The following DNAAF5 variants were observed in gnomAD, a reference collection of about 807,000 sequenced individuals.
The protein encoded by DNAAF5 is HEAT repeat containing 2.
DNAAF5 carries 64 observed loss-of-function variants against 75.8 expected under a neutral mutation model. The ratio of observed to expected loss-of-function variants is 0.84; its 90% CI spans 0.69 to 1.04. The LOEUF (loss-of-function observed/expected upper bound fraction) is 1.04, where lower values mean the gene tolerates loss of function less well. DNAAF5 is among the 50% of genes least tolerant of loss of function. The pLI, the probability that DNAAF5 is intolerant of heterozygous loss-of-function variation, is 0.00. For synonymous variants in DNAAF5, 657 were observed against 557.2 expected, an observed-to-expected ratio of 1.18 and a Z score of -2.52; for missense variants, 1,269 against 1,178.5, an observed-to-expected ratio of 1.08 and a Z score of -1.12.
At chr7:773,346 G>A (rs1207562978) in intron 9 of DNAAF5, among the ~76,000 whole-genome samples, 2 of 152,212 alleles carry the variant, frequency 1.3e-5, no homozygotes, top group Non-Finnish European at 2.9e-5. Flanking sequence ...GGAGGGCTGC[G>A]GGCTGTGGAG....
chr7:778,229 G>T (rs1384652039), intron 11 of DNAAF5: 1 of 152,224 alleles, frequency 6.6e-6, no homozygotes. Flanking sequence ...GGAGCTGGCG[G>T]AAAGGCTGCA....
chr7:753,585 A>G, intron 4 of DNAAF5, among the ~76,000 whole-genome samples: 1 of 111,116 alleles, frequency 9.0e-6, no homozygotes, highest in African/African-American at 3.5e-5. Flanking sequence ...TCATATGGGG[A>G]CGGCTTCACA....
chr7:774,623 C>T (rs564143058), intron 10 of DNAAF5, among the ~76,000 whole-genome samples: 2 of 152,120 alleles, frequency 1.3e-5, no homozygotes, highest in African/African-American at 2.4e-5. Context: ...GATGCCCGCC[C>T]GCGTCCTGGT....
intron 10 of DNAAF5, 140 bp downstream of exon 10, chr7:774,338 C>A: frequency 1.1e-6 from 1 of 914,526 alleles, no homozygotes; most frequent in Non-Finnish European, 1.6e-6. Flanking sequence ...AAGAGGCTCT[C>A]CCCACACTGG....
chr7:726,935 CCT>C lies in DNAAF5; in HGVS notation c.216_217del (p.Trp73GlyfsTer66). ...GCCGACCCCACCGCTTTCCAGGGCCCCTGGGCGCGCCTACTGCTGCCGCGCTT... is the reference window on the plus strand; with the variant it reads ...GCCGACCCCACCGCTTTCCAGGGCCCGGGCGCGCCTACTGCTGCCGCGCTT... On this transcript the variant is annotated frameshift_variant, in exon 1 of 13. Transcript: ENST00000297440. LOFTEE classifies it high-confidence loss of function. The C allele has an allele frequency of 7.5e-7, 1 of 1,340,970 alleles. No homozygotes were observed. The highest frequency in any genetic ancestry group is 9.6e-7 in the Non-Finnish European group (1 of 1,042,922). 83.1% of individuals were successfully genotyped at this position (1,340,970 alleles called of 1,614,324 possible).
chr7:740,951 G>A lies in DNAAF5; in HGVS notation c.905+8G>A. 1 of 1,612,128 alleles carries A rather than the reference G, an allele frequency of 6.2e-7. No individual in the cohort carries two copies. The highest frequency in any genetic ancestry group is 1.1e-5 in the South Asian group (1 of 91,076). ...CGAGGTGCCTGAGGTCAGGTACGTG[G>A]GCAGGCGGCCGCGGGCCTTGTCTTC... On this transcript the variant is annotated splice_region_variant and intron_variant, in intron 3 of 12. Transcript: ENST00000297440.
chr7:755,203 G>A (rs751054675), intron 5 of DNAAF5, among the ~76,000 whole-genome samples: 5 of 152,160 alleles, frequency 3.3e-5, no homozygotes, highest in Non-Finnish European at 5.9e-5. Context: ...TCCAGGCCTC[G>A]CAGGGGCTGT....
In DNAAF5 at chr7:754,226, G is replaced by A. The variant is rs748107870; in HGVS notation, c.1025-363G>A. 6.6e-6 allele frequency among the ~76,000 whole-genome samples: 1 copy of A among 152,192 alleles called. No individual in the cohort carries two copies. Among genetic ancestry groups the A allele is most frequent in the Non-Finnish European group, 1.5e-5 (1 of 68,038 alleles). ...GTCACCCAGGCTGGAGTGCTGTGGC[G>A]CAATCCTCCCACCTCAGACTCCTGC... On this transcript the variant is annotated intron_variant, in intron 4 of 12. Coordinates refer to ENST00000297440, the MANE Select transcript of DNAAF5 (RefSeq NM_017802.4). This position sits in a 1 kb window ranked among gnomAD's most constrained non-coding sequence, Gnocchi z 4.8.
chr7:731,366 A>C (rs1045698289), intron 2 of DNAAF5, among the ~76,000 whole-genome samples: 1 of 152,236 alleles, frequency 6.6e-6, no homozygotes, highest in African/African-American at 2.4e-5. Flanking sequence ...AACTCTGTGG[A>C]GCACGCTCTG....
intron 2 of DNAAF5, among the ~76,000 whole-genome samples, chr7:739,264 G>A (rs1781831406): frequency 6.6e-6 from 1 of 152,214 alleles, no homozygotes; most frequent in African/African-American, 2.4e-5. Flanking sequence ...CAGCATCTCA[G>A]CACATGGCAC....
rs112210659 is a variant in DNAAF5 at position 780,098 on chromosome 7, G to C, written c.2385G>C (p.Leu795=). The C allele has an allele frequency of 1.9e-6, 3 of 1,614,056 alleles. No homozygotes were observed. Among genetic ancestry groups the C allele is most frequent in the African/African-American group, 1.3e-5 (1 of 74,932 alleles). The change falls in exon 12 of 13, where the codon CTG becomes CTC. Residue 795 remains leucine (L), a synonymous_variant. Transcript: ENST00000297440. ...TCCAGTACCTGTACCGAGAGTTGCT[G>C]GTTCACCTTGACGATCCAGAGAGGG... ...SSVQYLYREL[L]VHLDDPERAI...
At chr7:781,970 C>T (rs1298017167) in intron 12 of DNAAF5, among the ~76,000 whole-genome samples, 1 of 152,276 alleles carries the variant, frequency 6.6e-6, no homozygotes, top group Non-Finnish European at 1.5e-5. Flanking sequence ...TCTGCTCATT[C>T]TTCCCTTTGC....
chr7:727,512 C>T, intron 1 of DNAAF5, 197 bp downstream of exon 1: 1 of 307,092 alleles, frequency 3.3e-6, no homozygotes, highest in Non-Finnish European at 5.8e-6. Context: ...CCTCCTCCCA[C>T]CACCACTGCT....
intron 6 of DNAAF5, 42 bp downstream of exon 6, chr7:757,036 T>TCCCCTGC: frequency 6.5e-7 from 1 of 1,550,350 alleles, no homozygotes; most frequent in Non-Finnish European, 8.7e-7. Context: ...AGGAGGAGCC[T>TCCCCTGC]CCCCTGCCCG....
intron 4 of DNAAF5, among the ~76,000 whole-genome samples, chr7:743,095 T>C (rs1338475193): frequency 6.6e-6 from 1 of 152,166 alleles, no homozygotes; most frequent in East Asian, 1.9e-4. Context: ...CCGGGCACAG[T>C]AGCTCACGCC....
rs1311281192 is a variant in DNAAF5 at position 774,184 on chromosome 7, C to T, written c.2068C>T (p.Leu690=). The change falls in exon 10 of 13, where the codon CTG becomes TTG. Residue 690 remains leucine (L), a synonymous_variant. Transcript: ENST00000297440. The stretch of plus-strand genomic sequence containing the variant: ...CTGGGCGCTCACCAGCAGCGAGGTC[C>T]TGTCGGCAGAGCAGGTACGGGGCTC... ...CLWALTSSEV[L]SAEQIRDVQE... 1.9e-6 allele frequency: 3 copies of T among 1,608,918 alleles called. No homozygotes were observed. The highest frequency in any genetic ancestry group is 2.5e-6 in the Non-Finnish European group (3 of 1,179,454).
chr7:785,418 A>T, intron 12 of DNAAF5, 99 bp from the exon 13 acceptor site: 1 of 1,343,664 alleles, frequency 7.4e-7, no homozygotes, highest in Non-Finnish European at 1.0e-6. Flanking sequence ...AGATGCTTTT[A>T]CAGATGCTTG....
intron 9 of DNAAF5, 114 bp downstream of exon 9, chr7:770,732 C>G: frequency 9.9e-7 from 1 of 1,014,760 alleles, no homozygotes; most frequent in South Asian, 1.6e-5. Flanking sequence ...TTCCCCAACA[C>G]TGCACTGCGC....
chr7:774,884 A>G, intron 10 of DNAAF5, 122 bp from the exon 11 acceptor site: 1 of 798,216 alleles, frequency 1.3e-6, no homozygotes, highest in South Asian at 1.6e-5. Context: ...ATTCAAGCCT[A>G]CTTTTTAGGT....
Sources: allele counts gnomAD v4.1 joint callset (sites outside exome capture counted in the v4.1 genomes callset), GRCh38; gene constraint gnomAD v4.1.1; non-coding constraint Gnocchi (gnomAD v3.1); transcripts MANE v1.5; gene names NCBI Gene and HGNC (gene_info 2026-07-23, HGNC 2026-07-21).